Variants in ERC2 observed in about 807,000 individuals in gnomAD.
ERC2 encodes ERC protein 2.
ERC2 carries 42 observed loss-of-function variants against 114.8 expected under a neutral mutation model. The ratio of observed to expected loss-of-function variants is 0.37; its 90% CI spans 0.29 to 0.47. ERC2 has a LOEUF of 0.47. ERC2 is among the 20% of genes least tolerant of loss of function. The pLI, the probability that ERC2 is intolerant of heterozygous loss-of-function variation, is 0.99. For synonymous variants in ERC2, 454 were observed against 425.5 expected (o/e 1.07, Z -0.82); for missense variants, 939 against 1,150.7 (o/e 0.82, Z 2.66).
intron 2 of ERC2, among the ~76,000 whole-genome samples, chr3:56,318,179 T>C (rs939092408): frequency 2.0e-5 from 3 of 152,174 alleles, no homozygotes; most frequent in Non-Finnish European, 4.4e-5. Context: ...ATCATTAAAA[T>C]GTATGTCTGT....
chr3:55,936,344 C>G (rs1375182591), intron 13 of ERC2, among the ~76,000 whole-genome samples: 2 of 141,592 alleles, frequency 1.4e-5, no homozygotes, highest in Non-Finnish European at 1.6e-5. Context: ...CAAGGGCCAA[C>G]TCTGTTTTGG....
chr3:55,822,232 G>T (rs1325080575), intron 14 of ERC2, among the ~76,000 whole-genome samples: 1 of 152,168 alleles, frequency 6.6e-6, no homozygotes, highest in East Asian at 1.9e-4. Flanking sequence ...CATAGCGTTA[G>T]TCATCAAAGA....
intron 1 of ERC2, among the ~76,000 whole-genome samples, chr3:56,441,221 G>A (rs1367397094): frequency 6.6e-6 from 1 of 152,158 alleles, no homozygotes; most frequent in East Asian, 1.9e-4. Context: ...GCCACGTGAA[G>A]GAGAACCAAA....
intron 6 of ERC2, among the ~76,000 whole-genome samples, chr3:56,095,524 T>C (rs2078016199): frequency 6.6e-6 from 1 of 152,252 alleles, no homozygotes; most frequent in Non-Finnish European, 1.5e-5. Context: ...TTTGCTTGTG[T>C]GCACACAGGC....
At chr3:55,962,104 A>C (rs1033128525) in intron 12 of ERC2, among the ~76,000 whole-genome samples, 5 of 152,242 alleles carry the variant, frequency 3.3e-5, no homozygotes, top group Non-Finnish European at 1.5e-5. Context: ...AATTTTCAAA[A>C]TTAAACTGGA....
intron 1 of ERC2, among the ~76,000 whole-genome samples, chr3:56,463,769 T>C (rs1226311811): frequency 2.6e-5 from 4 of 152,200 alleles, no homozygotes; most frequent in Non-Finnish European, 5.9e-5. Flanking sequence ...CATTGCTCTA[T>C]CTGCATCTCC....
In ERC2 at chr3:55,749,615, C is replaced by T. The variant is rs528149166; in HGVS notation, c.2565-14697G>A. Among the ~76,000 whole-genome samples the T allele has an allele frequency of 5.9e-5, 9 of 152,266 alleles. No homozygotes were observed. In the South Asian group the frequency reaches 1.9e-3, roughly 32 times the overall value. On this transcript the variant is annotated intron_variant, in intron 14 of 17. Transcript: ENST00000288221. Reference sequence around the variant, plus strand: ...ACGCACCAATCAGTGCTCTGTGAAACACACCAATCAGCAGGATTCTAAAAG... The same window carrying T: ...ACGCACCAATCAGTGCTCTGTGAAATACACCAATCAGCAGGATTCTAAAAG...
At chr3:56,235,033 C>T (rs1310688030) in intron 3 of ERC2, among the ~76,000 whole-genome samples, 1 of 152,168 alleles carries the variant, frequency 6.6e-6, no homozygotes, top group East Asian at 1.9e-4. Flanking sequence ...TTCCCTATAG[C>T]CTTGAAACAA....
chr3:55,846,938 G>T (rs538923692), intron 14 of ERC2, among the ~76,000 whole-genome samples: 7 of 152,268 alleles, frequency 4.6e-5, no homozygotes, highest in African/African-American at 1.4e-4. Context: ...TCATACATCT[G>T]CCTGTTATTT....
chr3:56,021,841 C>T (rs1407514371), intron 7 of ERC2, among the ~76,000 whole-genome samples: 3 of 152,140 alleles, frequency 2.0e-5, no homozygotes, highest in South Asian at 4.1e-4. Flanking sequence ...TCCGTTTCTG[C>T]GTTAGTTTGA....
At chr3:56,103,558 G>A (rs1444594945) in intron 6 of ERC2, among the ~76,000 whole-genome samples, 1 of 151,994 alleles carries the variant, frequency 6.6e-6, no homozygotes, top group Non-Finnish European at 1.5e-5. Flanking sequence ...CAATCTTGAC[G>A]CCCAGGGACA....
At chr3:56,423,448 AAC>A (rs1410165987) in intron 2 of ERC2, among the ~76,000 whole-genome samples, 2 of 152,348 alleles carry the variant, frequency 1.3e-5, no homozygotes, top group African/African-American at 4.8e-5. Context: ...CCCAAGTTGT[AAC>A]AGTCAAAAAT....
At chr3:56,067,983 G>T (rs2149721835) in intron 7 of ERC2, among the ~76,000 whole-genome samples, 1 of 152,204 alleles carries the variant, frequency 6.6e-6, no homozygotes, top group East Asian at 1.9e-4. Context: ...TTCATCAGGG[G>T]TATTGGCCTG....
At chr3:56,390,673 T>C (rs1251296768) in intron 2 of ERC2, among the ~76,000 whole-genome samples, 1 of 152,224 alleles carries the variant, frequency 6.6e-6, no homozygotes, top group Non-Finnish European at 1.5e-5. Flanking sequence ...GCATTTTCAG[T>C]AGCAAGAAGA....
chr3:55,863,311 C>T (rs867245754), intron 14 of ERC2, among the ~76,000 whole-genome samples: 2 of 152,024 alleles, frequency 1.3e-5, no homozygotes, highest in Non-Finnish European at 2.9e-5. Flanking sequence ...TCTGCTTGCT[C>T]GACGCCAGGG....
At chr3:55,675,589 G>A (rs1038937467) in intron 17 of ERC2, among the ~76,000 whole-genome samples, 4 of 152,134 alleles carry the variant, frequency 2.6e-5, no homozygotes, top group Non-Finnish European at 5.9e-5. Flanking sequence ...GGTGGGGCTG[G>A]AGTTGCTTTC....
At chr3:55,960,397 T>C (rs1270126024) in intron 12 of ERC2, among the ~76,000 whole-genome samples, 1 of 152,060 alleles carries the variant, frequency 6.6e-6, no homozygotes, top group Non-Finnish European at 1.5e-5. Context: ...CTGGGATTCC[T>C]CTCCACAGCC....
intron 14 of ERC2, among the ~76,000 whole-genome samples, chr3:55,805,319 CT>C (rs1207640870): frequency 2.0e-5 from 3 of 151,892 alleles, no homozygotes; most frequent in Admixed American, 6.6e-5. Flanking sequence ...AGATTTTGGT[CT>C]GTTTCATTTA....
chr3:55,900,224 A>G (rs2064061520), intron 13 of ERC2, among the ~76,000 whole-genome samples: 1 of 152,144 alleles, frequency 6.6e-6, no homozygotes, highest in Non-Finnish European at 1.5e-5. Flanking sequence ...TTGTTCTCTA[A>G]TAAAGTTCCT....
Sources: allele counts gnomAD v4.1 joint callset (sites outside exome capture counted in the v4.1 genomes callset), GRCh38; gene constraint gnomAD v4.1.1; transcripts MANE v1.5; gene names NCBI Gene and HGNC (gene_info 2026-07-23, HGNC 2026-07-21).